STXBP5L: variants seen among roughly 807,000 people sequenced by gnomAD.
STXBP5L encodes the protein syntaxin binding protein 5L.
STXBP5L carries 65 observed loss-of-function variants against 144.5 expected under a neutral mutation model. That is an observed-to-expected ratio of 0.45 (90% confidence interval 0.37 to 0.55). STXBP5L has a LOEUF of 0.55. STXBP5L is among the 20% of genes least tolerant of loss of function. The pLI is 0.00. For synonymous variants in STXBP5L, 505 were observed against 469.6 expected (o/e 1.08, Z -0.97); for missense variants, 1,298 against 1,405.5 (o/e 0.92, Z 1.22).
At chr3:121,238,724 T>G (rs1330483526) in intron 12 of STXBP5L, among the ~76,000 whole-genome samples, 1 of 152,138 alleles carries the variant, frequency 6.6e-6, no homozygotes, top group Non-Finnish European at 1.5e-5. Context: ...AATGCCACTG[T>G]GGAATGTTAG....
At chr3:121,373,789 C>G (rs1461632065) in intron 20 of STXBP5L, among the ~76,000 whole-genome samples, 4 of 152,168 alleles carry the variant, frequency 2.6e-5, no homozygotes, top group Non-Finnish European at 5.9e-5. Context: ...CCCATGCATG[C>G]CACCCAGTGG....
intron 20 of STXBP5L, among the ~76,000 whole-genome samples, chr3:121,377,706 C>T (rs1409100789): frequency 6.6e-6 from 1 of 152,158 alleles, no homozygotes; most frequent in Non-Finnish European, 1.5e-5. Context: ...AAATAGAAAA[C>T]TTTTACACTG....
chr3:121,276,083 CTTCT>C (rs2050874286), intron 18 of STXBP5L, among the ~76,000 whole-genome samples: 1 of 145,250 alleles, frequency 6.9e-6, no homozygotes, highest in Admixed American at 6.8e-5. Context: ...TTTTTTTTTT[CTTCT>C]TTTTCTCTGC....
intron 5 of STXBP5L, among the ~76,000 whole-genome samples, chr3:121,061,707 C>T (rs1292668231): frequency 6.6e-6 from 1 of 152,144 alleles, no homozygotes; most frequent in Non-Finnish European, 1.5e-5. Flanking sequence ...GCATTGATCC[C>T]TTTACTATTA....
At chr3:121,189,086 T>G (rs1559842921) in intron 9 of STXBP5L, among the ~76,000 whole-genome samples, 1 of 152,158 alleles carries the variant, frequency 6.6e-6, no homozygotes, top group Non-Finnish European at 1.5e-5. Flanking sequence ...ATAATCTCCT[T>G]AAGCTGATAA....
At chr3:121,331,345 C>T (rs1004342216) in intron 20 of STXBP5L, among the ~76,000 whole-genome samples, 7 of 152,210 alleles carry the variant, frequency 4.6e-5, no homozygotes, top group Admixed American at 6.5e-5. Context: ...GTTGAGGCTT[C>T]TCCCATGGGA....
chr3:121,314,581 C>T (rs1229977292), intron 19 of STXBP5L, among the ~76,000 whole-genome samples: 6 of 71,780 alleles, frequency 8.4e-5, no homozygotes, highest in South Asian at 7.1e-4. Flanking sequence ...AGAGGGAGAC[C>T]GTGGAGGGAG....
At chr3:121,392,772 T>C (rs545690659) in intron 22 of STXBP5L, among the ~76,000 whole-genome samples, 9 of 19,676 alleles carry the variant, frequency 4.6e-4, no homozygotes, top group Admixed American at 9.7e-4. Flanking sequence ...TTTCATGGCA[T>C]ATATATATAT....
At chr3:120,917,999 T>C (rs1483387953) in intron 2 of STXBP5L, among the ~76,000 whole-genome samples, 1 of 152,224 alleles carries the variant, frequency 6.6e-6, no homozygotes, top group Non-Finnish European at 1.5e-5. Context: ...TTCACAGAAC[T>C]GCATTCCTTT....
chr3:121,328,593 A>G (rs944881127), intron 20 of STXBP5L, among the ~76,000 whole-genome samples: 6 of 152,110 alleles, frequency 3.9e-5, no homozygotes, highest in Non-Finnish European at 8.8e-5. Flanking sequence ...TACTAAAAAT[A>G]TAAAAACTTA....
intron 26 of STXBP5L, 86 bp downstream of exon 26, chr3:121,418,643 T>C (rs1285603945): frequency 1.6e-6 from 2 of 1,225,478 alleles, no homozygotes; most frequent in African/African-American, 3.0e-5. Flanking sequence ...TAAACAGAGA[T>C]CCACATAAGT....
At chr3:120,988,007 TC>T (rs571438162) in intron 3 of STXBP5L, among the ~76,000 whole-genome samples, 164 of 151,978 alleles carry the variant, frequency 1.1e-3, no homozygotes, top group Non-Finnish European at 1.7e-3. Flanking sequence ...TTTGTTGCCT[TC>T]ATCTTGGTTT....
chr3:121,326,108 A>G (rs2044137569), intron 20 of STXBP5L, among the ~76,000 whole-genome samples: 1 of 152,018 alleles, frequency 6.6e-6, no homozygotes, highest in Non-Finnish European at 1.5e-5. Context: ...GAACAACTAT[A>G]TGACATTAAT....
At chr3:121,104,638 A>G (rs1014949866) in intron 5 of STXBP5L, among the ~76,000 whole-genome samples, 1 of 152,158 alleles carries the variant, frequency 6.6e-6, no homozygotes, top group South Asian at 2.1e-4. Context: ...ACAAAAACAT[A>G]AAGTGGGAAA....
intron 3 of STXBP5L, among the ~76,000 whole-genome samples, chr3:120,957,351 A>G (rs1289408651): frequency 6.6e-6 from 1 of 152,018 alleles, no homozygotes; most frequent in African/African-American, 2.4e-5. Flanking sequence ...ATTGATTTGC[A>G]TATGCTGAAC....
intron 3 of STXBP5L, among the ~76,000 whole-genome samples, chr3:121,012,471 G>A (rs530176776): frequency 8.6e-5 from 13 of 151,822 alleles, no homozygotes; most frequent in African/African-American, 3.1e-4. Flanking sequence ...TCTTCCATAT[G>A]GATATCTTTA....
At chr3:121,055,219 G>A (rs892765466) in intron 5 of STXBP5L, among the ~76,000 whole-genome samples, 1 of 152,098 alleles carries the variant, frequency 6.6e-6, no homozygotes, top group Non-Finnish European at 1.5e-5. Flanking sequence ...CTTATTGGAG[G>A]AGATAAAATT....
At chr3:121,080,544 T>C (rs2042208783) in intron 5 of STXBP5L, among the ~76,000 whole-genome samples, 1 of 152,226 alleles carries the variant, frequency 6.6e-6, no homozygotes, top group African/African-American at 2.4e-5. Flanking sequence ...AGCATTTGTA[T>C]GTCTGAAAAA....
intron 19 of STXBP5L, among the ~76,000 whole-genome samples, chr3:121,312,142 G>A (rs1003474862): frequency 3.9e-5 from 6 of 152,198 alleles, no homozygotes; most frequent in Non-Finnish European, 8.8e-5. Context: ...CTAGCCATAT[G>A]TAGAAAGCTG....
Sources: allele counts gnomAD v4.1 joint callset (sites outside exome capture counted in the v4.1 genomes callset), GRCh38; gene constraint gnomAD v4.1.1; transcripts MANE v1.5; gene names NCBI Gene and HGNC (gene_info 2026-07-23, HGNC 2026-07-21).